The following PTK2 variants were observed in gnomAD, a reference collection of about 807,000 sequenced individuals.
PTK2 encodes the protein focal adhesion kinase 1.
A neutral mutation model predicts 150.1 loss-of-function variants in PTK2; 45 were observed. The ratio of observed to expected loss-of-function variants is 0.30; its 90% confidence interval spans 0.24 to 0.38. PTK2 has a LOEUF of 0.38. PTK2 is among the 10% of genes least tolerant of loss of function. The pLI, the probability that PTK2 is intolerant of heterozygous loss-of-function variation, is 1.00. For missense variants in PTK2, 919 were observed against 1,307.3 expected (o/e 0.70, Z 4.58); for synonymous variants, 432 against 449.2 (o/e 0.96, Z 0.48).
intron 10 of PTK2, among the ~76,000 whole-genome samples, chr8:140,809,760 C>G (rs1315248999): frequency 6.6e-6 from 1 of 152,264 alleles, no homozygotes; most frequent in Admixed American, 6.5e-5. Flanking sequence ...AAGCCTTGAT[C>G]GTGCCACTGA....
intron 31 of PTK2, chr8:140,662,634 T>C: frequency 1.9e-6 from 1 of 531,274 alleles, no homozygotes; most frequent in Non-Finnish European, 3.5e-6. Flanking sequence ...TGCATATGAA[T>C]CAATGCCACT....
At chr8:140,963,170 C>T (rs188671569) in intron 1 of PTK2, among the ~76,000 whole-genome samples, 4 of 152,090 alleles carry the variant, frequency 2.6e-5, no homozygotes, top group Admixed American at 2.6e-4. Context: ...TAAATATATA[C>T]CCTATAACAA....
intron 2 of PTK2, among the ~76,000 whole-genome samples, chr8:140,911,561 A>G (rs144055509): frequency 1.3e-4 from 20 of 152,332 alleles, no homozygotes; most frequent in African/African-American, 4.8e-4. Context: ...CAAATCCTAA[A>G]GTGAACAGCT....
At chr8:140,678,528 A>G (rs1165646839) in intron 27 of PTK2, among the ~76,000 whole-genome samples, 1 of 151,662 alleles carries the variant, frequency 6.6e-6, no homozygotes, top group East Asian at 1.9e-4. Context: ...TAGTTTTTAT[A>G]TTTCTTGTAG....
chr8:140,962,270 AG>A (rs1449493965), intron 1 of PTK2, among the ~76,000 whole-genome samples: 1 of 35,858 alleles, frequency 2.8e-5, no homozygotes, highest in Non-Finnish European at 9.2e-5. Flanking sequence ...GGAAGAAGGG[AG>A]GGAGGAAGGG....
At chr8:140,670,456 CAAAAAAA>C (rs10558474) in intron 29 of PTK2, among the ~76,000 whole-genome samples, 24 of 17,794 alleles carry the variant, frequency 1.3e-3, no homozygotes, top group African/African-American at 4.2e-3. Flanking sequence ...CACTGTGTCT[CAAAAAAA>C]AAAAAAAAAA....
rs550116162 is a variant in PTK2, at chr8:140,877,007, AT to A, written c.362+2463del. On this transcript the variant is annotated intron_variant, in intron 4 of 31. Coordinates refer to ENST00000522684, the Ensembl canonical transcript of PTK2. Reference sequence around the variant, plus strand: ...CTGTCATCATCTCTACCTACTATGCATGTAACTTTCACTAATCCTTTTTTTT... The same window carrying A: ...CTGTCATCATCTCTACCTACTATGCAGTAACTTTCACTAATCCTTTTTTTT... 7.1e-4 allele frequency among the ~76,000 whole-genome samples: 103 copies of A among 144,408 alleles called. No homozygotes were observed. In the Middle Eastern group the frequency reaches 0.014, roughly 20 times the overall value. 94.7% of individuals were successfully genotyped at this position (144,408 alleles called of 152,430 possible). A position where few individuals can be genotyped will look rare whatever the true frequency, so the allele number is the denominator to read the frequency against.
intron 6 of PTK2, 26 bp from the exon 7 acceptor site, chr8:140,846,348 A>C: frequency 6.3e-7 from 1 of 1,594,514 alleles, no homozygotes; most frequent in Non-Finnish European, 8.6e-7. Context: ...ACATACATTT[A>C]TATGTATATA....
chr8:140,919,506 C>T (rs981333813), intron 2 of PTK2, among the ~76,000 whole-genome samples: 1 of 139,674 alleles, frequency 7.2e-6, no homozygotes, highest in Non-Finnish European at 1.6e-5. Context: ...ACAGCTTAGG[C>T]TTTGTGAAGG....
intron 26 of PTK2, among the ~76,000 whole-genome samples, chr8:140,690,113 C>T (rs535040734): frequency 9.9e-5 from 15 of 152,064 alleles, no homozygotes; most frequent in African/African-American, 1.4e-4. Flanking sequence ...CCACCACGCC[C>T]GGCTAATTTT....
chr8:140,786,100 A>T (rs983746462), intron 14 of PTK2, among the ~76,000 whole-genome samples: 1 of 152,194 alleles, frequency 6.6e-6, no homozygotes, highest in Non-Finnish European at 1.5e-5. Flanking sequence ...AGCACGCTGC[A>T]GGCACTCAAG....
chr8:140,806,164 T>C (rs996984133), intron 10 of PTK2, among the ~76,000 whole-genome samples: 1 of 152,228 alleles, frequency 6.6e-6, no homozygotes, highest in Non-Finnish European at 1.5e-5. Context: ...AATCTGACTC[T>C]AGAAACAAAG....
At chr8:140,807,708 A>G (rs560066065) in intron 10 of PTK2, among the ~76,000 whole-genome samples, 1 of 152,374 alleles carries the variant, frequency 6.6e-6, no homozygotes, top group African/African-American at 2.4e-5. Flanking sequence ...TACACTGACT[A>G]TATCTTGAAA....
intron 15 of PTK2, among the ~76,000 whole-genome samples, chr8:140,761,653 T>C (rs2100069493): frequency 6.6e-6 from 1 of 152,144 alleles, no homozygotes; most frequent in Non-Finnish European, 1.5e-5. Context: ...AGCACAGTTA[T>C]TAAAGCAATT....
intron 1 of PTK2, among the ~76,000 whole-genome samples, chr8:140,977,726 TA>T (rs2100189816): frequency 6.6e-6 from 1 of 151,838 alleles, no homozygotes; most frequent in South Asian, 2.1e-4. Context: ...CTTTATGAAC[TA>T]AATAAAAATA....
At chr8:140,703,369 ACT>A (rs1437337158) in intron 24 of PTK2, among the ~76,000 whole-genome samples, 1 of 152,172 alleles carries the variant, frequency 6.6e-6, no homozygotes, top group Non-Finnish European at 1.5e-5. Flanking sequence ...AAGGAAATGG[ACT>A]CTCAGCTAAA....
chr8:140,736,712 A>AAC (rs2100052801), intron 21 of PTK2, among the ~76,000 whole-genome samples: 2 of 152,100 alleles, frequency 1.3e-5, no homozygotes. Flanking sequence ...CTACCTGTGG[A>AAC]ACACGCCAAA....
intron 21 of PTK2, among the ~76,000 whole-genome samples, chr8:140,737,146 T>C (rs900840881): frequency 1.3e-5 from 2 of 152,190 alleles, no homozygotes; most frequent in African/African-American, 4.8e-5. Flanking sequence ...CAAATATATA[T>C]ATTTTTGAGA....
intron 16 of PTK2, 112 bp downstream of exon 19, chr8:140,761,053 C>A (rs2100069144): frequency 1.4e-6 from 1 of 715,946 alleles, no homozygotes; most frequent in South Asian, 1.9e-5. Context: ...ATAAAAGACA[C>A]CCGTAAATAT....
Sources: gnomAD v4.1 joint callset for allele counts (sites outside exome capture counted in the v4.1 genomes callset) on GRCh38, gnomAD v4.1.1 for gene constraint, MANE v1.5 for transcripts, NCBI Gene and HGNC (gene_info 2026-07-23, HGNC 2026-07-21) for gene names.